Variants in INTS8 observed in about 807,000 individuals in gnomAD.
INTS8 encodes the protein protein kaonashi-1.
Under a neutral mutation model 138.9 loss-of-function variants are expected in INTS8, and 47 were observed. The ratio of observed to expected loss-of-function variants is 0.34; its 90% CI spans 0.27 to 0.43. INTS8 has a LOEUF of 0.43. INTS8 is among the 20% of genes least tolerant of loss of function. The probability of loss-of-function intolerance (pLI) is 1.00; values close to 1 mark genes in which losing one functional copy is unlikely to be tolerated. For synonymous variants in INTS8, 392 were observed against 400.9 expected (o/e 0.98, Z 0.27); for missense variants, 996 against 1,173.0 (o/e 0.85, Z 2.20).
intron 11 of INTS8, 25 bp downstream of exon 11, chr8:94,849,557 C>T (rs1815455629): frequency 7.2e-6 from 8 of 1,115,620 alleles, no homozygotes; most frequent in Admixed American, 2.6e-5. Flanking sequence ...TTTCTTTTTT[C>T]TTTTTTTTTT....
At chr8:94,824,790 C>CCG (rs1814425391) in intron 1 of INTS8, 103 bp from the exon 2 acceptor site, 1 of 99,156 alleles carries the variant, frequency 1.0e-5, no homozygotes, top group African/African-American at 3.9e-5. Flanking sequence ...AAACTCCCCC[C>CCG]CCCCCCACCC....
chr8:94,824,202 G>A (rs1814395493), intron 1 of INTS8, among the ~76,000 whole-genome samples: 1 of 152,156 alleles, frequency 6.6e-6, no homozygotes, highest in East Asian at 1.9e-4. Flanking sequence ...AAAGGTATTG[G>A]CACAAAAAGG....
At chr8:94,870,855 G>C (rs1816370147) in intron 20 of INTS8, among the ~76,000 whole-genome samples, 1 of 152,040 alleles carries the variant, frequency 6.6e-6, no homozygotes. Context: ...CTGCTCTTAG[G>C]AGGTGGGAGC....
intron 5 of INTS8, among the ~76,000 whole-genome samples, chr8:94,829,387 T>C (rs1038650388): frequency 1.1e-4 from 17 of 151,934 alleles, no homozygotes; most frequent in African/African-American, 3.9e-4. Flanking sequence ...GGACACAACA[T>C]GGATCCCTCG....
chr8:94,865,145 T>C (rs1173351522), intron 16 of INTS8, among the ~76,000 whole-genome samples: 1 of 152,166 alleles, frequency 6.6e-6, no homozygotes, highest in Non-Finnish European at 1.5e-5. Flanking sequence ...TGCCTTCCAT[T>C]ACACTTTTTT....
intron 9 of INTS8, among the ~76,000 whole-genome samples, 196 bp downstream of exon 9, chr8:94,841,787 G>A (rs1295674649): frequency 6.6e-6 from 1 of 152,132 alleles, no homozygotes; most frequent in Admixed American, 6.6e-5. Context: ...TGCTTGCAGG[G>A]CCGGGCGAGG....
chr8:94,827,226 A>G (rs1299155506), intron 2 of INTS8, 37 bp from the exon 3 acceptor site: 2 of 1,593,362 alleles, frequency 1.3e-6, no homozygotes, highest in Non-Finnish European at 1.7e-6. Context: ...TTTCTTTCAC[A>G]ATTAATGTGC....
intron 14 of INTS8, among the ~76,000 whole-genome samples, chr8:94,855,412 A>G (rs1815708205): frequency 6.6e-6 from 1 of 152,214 alleles, no homozygotes; most frequent in South Asian, 2.1e-4. Flanking sequence ...TGGACTAGTC[A>G]CATTTCACAT....
chr8:94,857,038 A>G (rs1815774463), intron 15 of INTS8, 60 bp downstream of exon 15: 3 of 1,293,706 alleles, frequency 2.3e-6, no homozygotes, highest in African/African-American at 1.5e-5. Flanking sequence ...TTGTGGGGGA[A>G]AATTTAAAAG....
intron 2 of INTS8, among the ~76,000 whole-genome samples, chr8:94,826,932 C>T (rs770679138): frequency 3.3e-5 from 5 of 151,982 alleles, no homozygotes; most frequent in Non-Finnish European, 2.9e-5. Flanking sequence ...GGTGAAACCC[C>T]GTCTCTACTA....
In INTS8 at chr8:94,827,302, A is replaced by G. The variant is rs763668989; in HGVS notation, c.345A>G (p.Leu115=). 5.8e-5 allele frequency: 94 copies of G among 1,612,914 alleles called. No homozygotes were observed. The highest frequency in any genetic ancestry group is 8.0e-5 in the Non-Finnish European group (94 of 1,178,954). The change falls in exon 3 of 27, where the codon CTA becomes CTG. Residue 115 remains leucine, a synonymous_variant. Coordinates refer to ENST00000523731, the MANE Select transcript of INTS8 (RefSeq NM_017864.4). The part of the protein sequence containing the change: ...VPVLNMLLNE[L]LCISKVPPGT... ...TATTGAATATGCTACTAAATGAACT[A>G]CTCTGCATCAGTAAAGTTCCTCCTG...
intron 21 of INTS8, among the ~76,000 whole-genome samples, chr8:94,872,460 C>G (rs1816431608): frequency 6.6e-6 from 1 of 152,240 alleles, no homozygotes; most frequent in Non-Finnish European, 1.5e-5. Context: ...TCTTGAACTC[C>G]TGACCTCAGG....
intron 7 of INTS8, among the ~76,000 whole-genome samples, chr8:94,837,417 A>C (rs1411057699): frequency 6.6e-6 from 1 of 152,192 alleles, no homozygotes; most frequent in Non-Finnish European, 1.5e-5. Flanking sequence ...ATATTGATTA[A>C]ATGCCCTAGA....
chr8:94,846,117 TAC>T (rs1815324539), intron 10 of INTS8, among the ~76,000 whole-genome samples: 1 of 152,228 alleles, frequency 6.6e-6, no homozygotes, highest in African/African-American at 2.4e-5. Flanking sequence ...TATGCATTGA[TAC>T]AGAGGTATAA....
In INTS8 at chr8:94,871,897, G is replaced by A. The variant is rs1474890935; in HGVS notation, c.2428G>A (p.Asp810Asn). The A allele has an allele frequency of 1.3e-6, 2 of 1,582,376 alleles. No homozygotes were observed. The highest frequency in any genetic ancestry group is 1.7e-6 in the Non-Finnish European group (2 of 1,152,562). ...CTTTCCTTTTAGCCTCCAGTCTGTGGACTTTGAAGCTGTGGCAATCACAGT... is the reference window on the plus strand; with the variant it reads ...CTTTCCTTTTAGCCTCCAGTCTGTGAACTTTGAAGCTGTGGCAATCACAGT... Reference protein sequence around the residue: ...PSSIPNLQSVDFEAVAITVKE... With the variant: ...PSSIPNLQSVNFEAVAITVKE... Residue 810 changes from aspartate (D) to asparagine (N), a missense_variant, in exon 21 of 27, where the codon GAC becomes AAC. By Grantham distance (23) the Asp-to-Asn change is conservative. Transcript: ENST00000523731.
chr8:94,871,525 CTT>C (rs1450855019), intron 20 of INTS8, among the ~76,000 whole-genome samples: 3 of 151,970 alleles, frequency 2.0e-5, no homozygotes, highest in Non-Finnish European at 4.4e-5. Flanking sequence ...TTATGAGTCT[CTT>C]TTGTTGCCCA....
At chr8:94,851,267 C>T (rs1815534366) in intron 12 of INTS8, among the ~76,000 whole-genome samples, 1 of 152,020 alleles carries the variant, frequency 6.6e-6, no homozygotes, top group Admixed American at 6.6e-5. Context: ...TCATATATTC[C>T]ACATAGTTCT....
intron 15 of INTS8, among the ~76,000 whole-genome samples, chr8:94,857,446 T>C (rs1046678218): frequency 2.0e-5 from 3 of 152,112 alleles, no homozygotes; most frequent in African/African-American, 4.8e-5. Flanking sequence ...CTGGAGAACA[T>C]TGGGAAAAAT....
intron 17 of INTS8, 95 bp from the exon 18 acceptor site, chr8:94,866,063 A>G: frequency 1.7e-6 from 1 of 589,758 alleles, no homozygotes; most frequent in Non-Finnish European, 3.1e-6. Context: ...GCAGAATTGG[A>G]GCATTAAGAA....
Sources: allele counts gnomAD v4.1 joint callset (sites outside exome capture counted in the v4.1 genomes callset), GRCh38; gene constraint gnomAD v4.1.1; transcripts MANE v1.5; gene names NCBI Gene and HGNC (gene_info 2026-07-23, HGNC 2026-07-21).